Variants in REXO5 observed in about 807,000 individuals in gnomAD.
The protein encoded by REXO5 is exonuclease NEF-sp.
In REXO5, 48 loss-of-function variants were observed where a neutral mutation model predicts 88.5. That is an observed-to-expected ratio of 0.54 (90% confidence interval 0.43 to 0.69). REXO5 has a LOEUF of 0.69. Among genes scored for constraint, REXO5 ranks in the 30% least tolerant of loss-of-function variants. REXO5 has a pLI of 0.00. For missense variants in REXO5, 749 were observed against 912.2 expected, an observed-to-expected ratio of 0.82 and a Z score of 2.30; for synonymous variants, 311 against 336.5, an observed-to-expected ratio of 0.92 and a Z score of 0.83.
At chr16:20,836,316 A>ATT (rs936378756) in intron 13 of REXO5, among the ~76,000 whole-genome samples, 6 of 149,842 alleles carry the variant, frequency 4.0e-5, no homozygotes, top group African/African-American at 1.2e-4. Flanking sequence ...GAAACCACTG[A>ATT]TTTTTTTTTT....
chr16:20,846,444 C>A, intron 19 of REXO5, 105 bp downstream of exon 19: 1 of 729,026 alleles, frequency 1.4e-6, no homozygotes. Flanking sequence ...TGAGGACTTA[C>A]ATGAATCATC....
chr16:20,828,965 A>C (rs940154649), intron 11 of REXO5, among the ~76,000 whole-genome samples: 4 of 152,020 alleles, frequency 2.6e-5, no homozygotes, highest in African/African-American at 9.7e-5. Flanking sequence ...AAAGAAAAGA[A>C]AATGGCAGTG....
chr16:20,830,239 T>G (rs1455209991), intron 11 of REXO5, among the ~76,000 whole-genome samples: 1 of 152,126 alleles, frequency 6.6e-6, no homozygotes, highest in Non-Finnish European at 1.5e-5. Flanking sequence ...CAGGCTGGAG[T>G]GCAGTGGTGC....
rs774577283 is a variant in REXO5, at chr16:20,840,336, G to T, written c.1494G>T (p.Arg498Ser). ...TTCTGTTGTTTTTCCTACAGATGAG[G>T]ATCAAGTGGACAGAGATATCAACTG... is the stretch of plus-strand genomic sequence containing the variant. Reference protein sequence around the residue: ...VLTEEMNKRMRIKWTEISTVY... With the variant: ...VLTEEMNKRMSIKWTEISTVY... Residue 498 changes from arginine to serine, a missense_variant, in exon 15 of 20, where the codon AGG (arginine) becomes AGT (serine). Arg to Ser is a moderately radical substitution (Grantham distance 110, BLOSUM62 -1). Coordinates refer to ENST00000261377, the MANE Select transcript of REXO5 (RefSeq NM_030941.3). The T allele has an allele frequency of 2.6e-6, 4 of 1,544,404 alleles. No individual in the cohort carries two copies. In the South Asian group the frequency reaches 5.0e-5, roughly 19 times the overall value.
Position 20,836,105 on chromosome 16 carries a change from T to C in REXO5, c.1383+2982T>C, listed in dbSNP as rs142862739. Among the ~76,000 whole-genome samples, 204 of 152,270 alleles carry C rather than the reference T, an allele frequency of 1.3e-3. 1 individual carries two copies. Among genetic ancestry groups the C allele is most frequent in the African/African-American group, 4.7e-3 (196 of 41,548 alleles). On this transcript the variant is annotated intron_variant, in intron 13 of 19. Coordinates refer to ENST00000261377, the MANE Select transcript of REXO5 (RefSeq NM_030941.3). ...CCACCCACACAAACAACTTCCACCA[T>C]TATCAACAACCTGTACCTGGGTAGT...
intron 3 of REXO5, 31 bp downstream of exon 3, chr16:20,813,333 A>T: frequency 2.8e-6 from 3 of 1,090,472 alleles, no homozygotes; most frequent in East Asian, 2.5e-5. Flanking sequence ...GTGGGTATTG[A>T]CCAGCGGTTT....
intron 13 of REXO5, among the ~76,000 whole-genome samples, chr16:20,833,936 T>C (rs1028003920): frequency 6.6e-6 from 1 of 152,250 alleles, no homozygotes; most frequent in African/African-American, 2.4e-5. Context: ...CTTTATAGCA[T>C]GTCTTTTCCC....
chr16:20,836,960 T>A (rs935747412), intron 13 of REXO5, among the ~76,000 whole-genome samples: 1 of 152,276 alleles, frequency 6.6e-6, no homozygotes, highest in Non-Finnish European at 1.5e-5. Flanking sequence ...TGCCCATTTT[T>A]AAAATTGGAT....
intron 13 of REXO5, among the ~76,000 whole-genome samples, chr16:20,834,804 T>C (rs934133925): frequency 1.3e-5 from 2 of 152,244 alleles, no homozygotes; most frequent in African/African-American, 4.8e-5. Flanking sequence ...ACTTTTGTTC[T>C]ATTTTGTATC....
chr16:20,848,889 T>G (rs2081651680), intron 19 of REXO5, among the ~76,000 whole-genome samples: 1 of 152,248 alleles, frequency 6.6e-6, no homozygotes, highest in South Asian at 2.1e-4. Flanking sequence ...CAGCAACTTA[T>G]AAGGGATCTA....
intron 4 of REXO5, 80 bp downstream of exon 4, chr16:20,815,133 C>CCTTG (rs1159090739): frequency 6.9e-7 from 1 of 1,447,038 alleles, no homozygotes; most frequent in African/African-American, 1.4e-5. Flanking sequence ...GGACCATGCT[C>CCTTG]CTTGGCAACC....
chr16:20,825,779 G>A (rs2081250889), intron 7 of REXO5, 54 bp from the exon 8 acceptor site: 1 of 1,269,228 alleles, frequency 7.9e-7, no homozygotes, highest in Non-Finnish European at 1.1e-6. Context: ...TAAATAGTAA[G>A]AAGAAGCAAT....
At chr16:20,834,790 G>A (rs1198615535) in intron 13 of REXO5, among the ~76,000 whole-genome samples, 1 of 152,074 alleles carries the variant, frequency 6.6e-6, no homozygotes. Context: ...ACCTCTAGAA[G>A]TTAACTTTTG....
Position 20,807,107 on chromosome 16 carries a change from CCCGAGCAGGCGGCCCTAGGCGGTTT to C in REXO5, c.138+17_138+41del. The C allele has an allele frequency of 6.3e-7, 1 of 1,594,360 alleles. No homozygotes were observed. The highest frequency in any genetic ancestry group is 8.5e-7 in the Non-Finnish European group (1 of 1,171,662). ...CGAGGCCAAGGTGAGCAACGGGGAT[CCCGAGCAGGCGGCCCTAGGCGGTTT>C]GGAGCTCCCGGACCCTCGCCCAACC... On this transcript the variant is annotated intron_variant, in intron 2 of 19. Coordinates refer to ENST00000261377, the MANE Select transcript of REXO5 (RefSeq NM_030941.3).
At chr16:20,825,991 C>T in intron 8 of REXO5, 43 bp downstream of exon 8, 1 of 1,298,720 alleles carries the variant, frequency 7.7e-7, no homozygotes, top group Non-Finnish European at 1.1e-6. Flanking sequence ...AGCTATCGGG[C>T]TAGAATGGAA....
At chr16:20,835,541 A>C (rs1353369862) in intron 13 of REXO5, among the ~76,000 whole-genome samples, 1 of 151,954 alleles carries the variant, frequency 6.6e-6, no homozygotes, top group African/African-American at 2.4e-5. Context: ...TACTCAACTG[A>C]ATATTTGAGG....
At chr16:20,814,743 A>T (rs2081054763) in intron 3 of REXO5, among the ~76,000 whole-genome samples, 184 bp from the exon 4 acceptor site, 1 of 152,142 alleles carries the variant, frequency 6.6e-6, no homozygotes, top group Admixed American at 6.5e-5. Flanking sequence ...ATCTCTAGGG[A>T]TCTTTATTTG....
At chr16:20,822,837 G>C (rs1196088965) in intron 6 of REXO5, among the ~76,000 whole-genome samples, 1 of 152,204 alleles carries the variant, frequency 6.6e-6, no homozygotes, top group East Asian at 1.9e-4. Flanking sequence ...AGTTAATAAT[G>C]CTGCTATGAA....
At chr16:20,847,916 G>T (rs762988444) in intron 19 of REXO5, among the ~76,000 whole-genome samples, 1 of 152,186 alleles carries the variant, frequency 6.6e-6, no homozygotes, top group Non-Finnish European at 1.5e-5. Context: ...TGTTCTTCCT[G>T]GATGTTCCAC....
Sources: allele counts gnomAD v4.1 joint callset (sites outside exome capture counted in the v4.1 genomes callset), GRCh38; gene constraint gnomAD v4.1.1; transcripts MANE v1.5; gene names NCBI Gene and HGNC (gene_info 2026-07-23, HGNC 2026-07-21).